Variants in CAST observed in about 807,000 individuals in gnomAD.
The protein encoded by CAST is calpastatin, also known as MIR583 host.
Under a neutral mutation model 119.6 loss-of-function variants are expected in CAST, and 76 were observed. The observed-to-expected ratio is 0.64, with a 90% confidence interval of 0.53 to 0.77. The LOEUF (loss-of-function observed/expected upper bound fraction) is 0.77, where lower values mean the gene tolerates loss of function less well. Among genes scored for constraint, CAST ranks in the 30% least tolerant of loss-of-function variants. CAST has a pLI of 0.00. For missense variants in CAST, 953 were observed against 946.5 expected (o/e 1.01, Z -0.09); for synonymous variants, 319 against 331.6 (o/e 0.96, Z 0.41).
chr5:96,133,438 A>C, the CAST span, among the ~76,000 whole-genome samples: 2 of 152,198 alleles, frequency 1.3e-5, no homozygotes, highest in Non-Finnish European at 1.5e-5. Flanking sequence ...CTTAGGTTCT[A>C]GTCTTGGCTC....
the CAST span, among the ~76,000 whole-genome samples, chr5:96,174,393 G>A: frequency 6.6e-6 from 1 of 152,224 alleles, no homozygotes; most frequent in South Asian, 2.1e-4. Context: ...GAGTAGCTGT[G>A]AACAAGGTCC....
In CAST at chr5:96,741,559, G is replaced by A; in HGVS notation, c.1077G>A (p.Glu359=). ...GTVRSAAPPQ[E]KKRKVEKDTM... ...TCAGAAGTGCTGCTCCACCCCAAGA[G>A]AAGAAAAGAAAGGTGGAGAAGGTAT... The change falls in exon 15 of 32, where the codon GAG becomes GAA. Residue 359 remains glutamate (E), a synonymous_variant. Transcript: ENST00000675179. 6.2e-7 allele frequency: 1 copy of A among 1,613,158 alleles called. No homozygotes were observed. The highest frequency in any genetic ancestry group is 8.5e-7 in the Non-Finnish European group (1 of 1,179,166).
chr5:96,104,436 T>G, the CAST span, among the ~76,000 whole-genome samples: 5 of 152,188 alleles, frequency 3.3e-5, no homozygotes, highest in African/African-American at 1.2e-4. Context: ...GGGATCCAGT[T>G]TCAGCTTTCT....
intron 16 of CAST, among the ~76,000 whole-genome samples, chr5:96,745,448 G>T (rs761685879): frequency 1.5e-4 from 23 of 151,962 alleles, no homozygotes; most frequent in Admixed American, 4.6e-4. Flanking sequence ...ATTATTGTGC[G>T]TATCCTGTTT....
chr5:96,767,451 A>T lies in CAST; in HGVS notation c.2144A>T (p.Lys715Met). 1.2e-6 allele frequency: 2 copies of T among 1,612,684 alleles called. No homozygotes were observed. Among genetic ancestry groups the T allele is most frequent in the Non-Finnish European group, 1.7e-6 (2 of 1,178,888 alleles). ...CTTCTTTTTAAGGACAAACCAGTGA[A>T]GCCACCTACAAAGAAATCAGAGGAT... Reference protein sequence around the residue: ...LDDNGQDKPVKPPTKKSEDSK... With the variant: ...LDDNGQDKPVMPPTKKSEDSK... The change falls in exon 28 of 32, where the codon AAG becomes ATG. Residue 715 changes from lysine (K) to methionine (M), a missense_variant. By Grantham distance (95) the Lys-to-Met change is moderately conservative. Coordinates refer to ENST00000675179, the MANE Select transcript of CAST (RefSeq NM_001750.7).
At chr5:95,964,249 A>G in the CAST span, among the ~76,000 whole-genome samples, 2 of 152,160 alleles carry the variant, frequency 1.3e-5, no homozygotes, top group Non-Finnish European at 2.9e-5. Context: ...CAGATGGTCA[A>G]GTTATGATGC....
chr5:96,508,927 A>G, the CAST span, among the ~76,000 whole-genome samples: 1 of 152,190 alleles, frequency 6.6e-6, no homozygotes, highest in East Asian at 1.9e-4. Flanking sequence ...TCTATGTCTC[A>G]CTTCCTTGCT....
the CAST span, among the ~76,000 whole-genome samples, chr5:96,072,816 T>C: frequency 7.2e-5 from 11 of 152,202 alleles, no homozygotes; most frequent in South Asian, 2.3e-3. Flanking sequence ...AAGGCAGTGG[T>C]TTTCAACCTG....
the CAST span, among the ~76,000 whole-genome samples, chr5:96,080,079 T>C: frequency 6.6e-6 from 1 of 152,136 alleles, no homozygotes; most frequent in Non-Finnish European, 1.5e-5. Context: ...TTATTATGGG[T>C]TTGACTGCCT....
intron 1 of CAST, among the ~76,000 whole-genome samples, chr5:96,557,477 GAC>G (rs1353565228): frequency 1.3e-5 from 2 of 151,768 alleles, no homozygotes; most frequent in Non-Finnish European, 2.9e-5. Flanking sequence ...ATCATGTGCC[GAC>G]ACACACAGGC....
the CAST span, among the ~76,000 whole-genome samples, chr5:96,139,794 C>T: frequency 6.6e-6 from 1 of 151,704 alleles, no homozygotes; most frequent in Non-Finnish European, 1.5e-5. Flanking sequence ...AAATAATATT[C>T]CCCTTCTAAT....
At chr5:96,632,199 T>C (rs993015773) in intron 1 of CAST, among the ~76,000 whole-genome samples, 2 of 151,802 alleles carry the variant, frequency 1.3e-5, no homozygotes, top group Non-Finnish European at 2.9e-5. Flanking sequence ...GTTGTCTTTC[T>C]GTTTTTGAGT....
chr5:96,491,214 G>C, the CAST span, among the ~76,000 whole-genome samples: 1 of 151,860 alleles, frequency 6.6e-6, no homozygotes, highest in Non-Finnish European at 1.5e-5. Flanking sequence ...GGCCGGGCAC[G>C]GTGGCTCAAG....
intron 1 of CAST, among the ~76,000 whole-genome samples, chr5:96,654,753 G>T (rs541503623): frequency 6.6e-6 from 1 of 152,174 alleles, no homozygotes; most frequent in African/African-American, 2.4e-5. Flanking sequence ...CAATACATTT[G>T]GAAGTGGAAG....
the CAST span, among the ~76,000 whole-genome samples, chr5:96,427,911 G>C: frequency 6.6e-6 from 1 of 152,156 alleles, no homozygotes; most frequent in Non-Finnish European, 1.5e-5. Context: ...AGTAAGGGAA[G>C]ACCTCAGTGG....
At chr5:96,068,253 T>C in the CAST span, among the ~76,000 whole-genome samples, 1 of 152,108 alleles carries the variant, frequency 6.6e-6, no homozygotes, top group Non-Finnish European at 1.5e-5. Context: ...CCCTGGTCTC[T>C]TAGAGATCTA....
At chr5:96,732,485 T>G (rs1760759275) in intron 9 of CAST, among the ~76,000 whole-genome samples, 1 of 131,868 alleles carries the variant, frequency 7.6e-6, no homozygotes, top group South Asian at 2.7e-4. Flanking sequence ...TTTCTTTTGC[T>G]GTGCAGAAGC....
At chr5:96,089,066 CTTTTT>C in the CAST span, among the ~76,000 whole-genome samples, 2 of 117,706 alleles carry the variant, frequency 1.7e-5, no homozygotes, top group Non-Finnish European at 3.6e-5. Flanking sequence ...CTCCAAAAAT[CTTTTT>C]TTTTTTTTTT....
chr5:96,532,495 A>G (rs1024591837), intron 1 of CAST, among the ~76,000 whole-genome samples: 6 of 152,140 alleles, frequency 3.9e-5, no homozygotes, highest in Non-Finnish European at 5.9e-5. Context: ...CCGGAGGATC[A>G]CTTGAGCCTA....
Sources: allele counts gnomAD v4.1 joint callset (sites outside exome capture counted in the v4.1 genomes callset), GRCh38; gene constraint gnomAD v4.1.1; transcripts MANE v1.5; gene names NCBI Gene and HGNC (gene_info 2026-07-23, HGNC 2026-07-21).